STS: variants seen among roughly 807,000 people sequenced by gnomAD.
The protein encoded by STS is steroid sulfatase.
A neutral mutation model predicts 26.8 loss-of-function variants in STS; 7 were observed. That is an observed-to-expected ratio of 0.26 (90% CI 0.15 to 0.49). STS has a LOEUF of 0.49. STS is among the 20% of genes least tolerant of loss of function. STS has a pLI of 0.98. For missense variants in STS, 434 were observed against 465.6 expected, an observed-to-expected ratio of 0.93 and a Z score of 0.63; for synonymous variants, 199 against 189.4, an observed-to-expected ratio of 1.05 and a Z score of -0.42.
chrX:7,184,597 T>G (rs1020099825), intron 1 of STS, among the ~76,000 whole-genome samples: 6 of 111,493 alleles, frequency 5.4e-5, no homozygotes, highest in African/African-American at 1.6e-4. Context: ...TGACACATGC[T>G]GAATATTGAT....
At chrX:7,155,778 T>G in intron 1 of STS, among the ~76,000 whole-genome samples, 1 of 111,984 alleles carries the variant, frequency 8.9e-6, no homozygotes, top group Non-Finnish European at 1.9e-5. Flanking sequence ...CAAAACCAAT[T>G]TTTTTCTCAT....
chrX:7,165,257 G>A (rs1303802787), intron 1 of STS, among the ~76,000 whole-genome samples: 1 of 108,518 alleles, frequency 9.2e-6, no homozygotes, highest in African/African-American at 3.4e-5. Context: ...CTACCTTCCA[G>A]CTGTGACAGC....
At chrX:7,226,375 A>G (rs1412031486) in intron 2 of STS, among the ~76,000 whole-genome samples, 1 of 112,105 alleles carries the variant, frequency 8.9e-6, no homozygotes. Flanking sequence ...TTGATGTTCC[A>G]GAGTTTGTTT....
In STS at chrX:7,231,345, C is replaced by T. The variant is rs768648902; in HGVS notation, c.-4-21851C>T. On this transcript the variant is annotated intron_variant, in intron 2 of 10. Transcript: ENST00000674429. ...AGTTGTACACTTAAAGTGCTTTAAA[C>T]GGTGAAGTTGATATTACGTGGTTTT... Among the ~76,000 whole-genome samples, 7 of 112,034 alleles carry T rather than the reference C, an allele frequency of 6.2e-5. No individual in the cohort carries two copies. The South Asian group carries it at 1.1e-3, about 18-fold the overall frequency.
intron 8 of STS, among the ~76,000 whole-genome samples, chrX:7,320,158 T>C (rs1286645873): frequency 1.5e-4 from 15 of 100,795 alleles, no homozygotes; most frequent in African/African-American, 5.4e-4. Context: ...ATATATTTTT[T>C]ATTATATATA....
chrX:7,206,593 G>C (rs2147034432), intron 2 of STS, among the ~76,000 whole-genome samples: 1 of 111,696 alleles, frequency 9.0e-6, no homozygotes, highest in South Asian at 3.7e-4. Context: ...CATCCTATTT[G>C]ATAAAGAGAT....
At chrX:7,189,264 TCAA>T (rs1446480475) in intron 1 of STS, among the ~76,000 whole-genome samples, 4 of 112,011 alleles carry the variant, frequency 3.6e-5, no homozygotes, top group African/African-American at 1.3e-4. Context: ...GGTCTAAATG[TCAA>T]CAAGTTAAAA....
At chrX:7,215,134 C>CAT (rs1439695482) in intron 2 of STS, among the ~76,000 whole-genome samples, 22 of 81,066 alleles carry the variant, frequency 2.7e-4, no homozygotes, top group African/African-American at 1.1e-3. Flanking sequence ...CACACACACA[C>CAT]ACACATATAT....
chrX:7,293,288 A>G (rs1325277574), intron 7 of STS, among the ~76,000 whole-genome samples: 14 of 111,944 alleles, frequency 1.3e-4, no homozygotes, highest in Non-Finnish European at 3.8e-5. Context: ...TAAAGAGTTG[A>G]GGAATGGAAC....
intron 1 of STS, among the ~76,000 whole-genome samples, chrX:7,156,025 C>G (rs73455817): frequency 0.3 from 32,648 of 108,461 alleles, 3,807 homozygotes; most frequent in Middle Eastern, 0.47. Context: ...ATGGCATGCA[C>G]CTGTTGTCCC....
intron 8 of STS, among the ~76,000 whole-genome samples, chrX:7,315,059 G>A (rs889975877): frequency 1.4e-4 from 16 of 112,319 alleles, no homozygotes; most frequent in African/African-American, 4.8e-4. Flanking sequence ...GTTAGACATA[G>A]GAATTTGTAA....
chrX:7,323,361 C>A lies in STS; in HGVS notation c.1082-1978C>A, dbSNP rs996020710. On this transcript the variant is annotated intron_variant, in intron 8 of 10. Coordinates refer to ENST00000674429, the MANE Select transcript of STS (RefSeq NM_001320752.2). The stretch of plus-strand genomic sequence containing the variant: ...GAACATAGTACCTGATAGTTTTTCA[C>A]TCCTTGACCTCCTCCCTCTTTCCCC... Among the ~76,000 whole-genome samples, 3 of 110,723 alleles carry A rather than the reference C, an allele frequency of 2.7e-5. No individual in the cohort carries two copies. The East Asian group carries it at 8.5e-4, about 31-fold the overall frequency.
At chrX:7,272,658 C>T (rs1260668929) in intron 6 of STS, among the ~76,000 whole-genome samples, 3 of 111,848 alleles carry the variant, frequency 2.7e-5, no homozygotes, top group African/African-American at 9.7e-5. Flanking sequence ...GCTGCCAATG[C>T]TCAGAAAGCA....
intron 8 of STS, among the ~76,000 whole-genome samples, chrX:7,308,659 G>C (rs971613700): frequency 2.7e-5 from 3 of 111,540 alleles, no homozygotes. Flanking sequence ...TGTTTTGCTT[G>C]CATGCTGGAG....
At chrX:7,237,904 A>T (rs763451819) in intron 2 of STS, among the ~76,000 whole-genome samples, 1 of 111,441 alleles carries the variant, frequency 9.0e-6, no homozygotes, top group East Asian at 2.8e-4. Flanking sequence ...TACTCATTGT[A>T]TATCTCTCCC....
At chrX:7,159,618 G>C (rs186422526) in intron 1 of STS, among the ~76,000 whole-genome samples, 1 of 111,991 alleles carries the variant, frequency 8.9e-6, no homozygotes, top group East Asian at 2.8e-4. Flanking sequence ...CCTACAGGAA[G>C]TGCTCTCAGT....
chrX:7,290,392 C>T (rs1466943069), intron 7 of STS, among the ~76,000 whole-genome samples: 1 of 111,846 alleles, frequency 8.9e-6, no homozygotes, highest in Non-Finnish European at 1.9e-5. Flanking sequence ...TAAAGTTACT[C>T]GTTCTTCTCT....
intron 8 of STS, among the ~76,000 whole-genome samples, chrX:7,308,901 G>A (rs1238812792): frequency 8.9e-6 from 1 of 111,800 alleles, no homozygotes; most frequent in Non-Finnish European, 1.9e-5. Flanking sequence ...TGTGGTTTAC[G>A]CAGACACAGA....
intron 1 of STS, among the ~76,000 whole-genome samples, chrX:7,172,882 T>A (rs2146999289): frequency 8.9e-6 from 1 of 112,129 alleles, no homozygotes; most frequent in African/African-American, 3.2e-5. Context: ...CTTGCCCAGC[T>A]AAAAACTTAA....
Sources: allele counts gnomAD v4.1 joint callset (sites outside exome capture counted in the v4.1 genomes callset), GRCh38; gene constraint gnomAD v4.1.1; transcripts MANE v1.5; gene names NCBI Gene and HGNC (gene_info 2026-07-23, HGNC 2026-07-21).